Variants in PRR20G observed in about 807,000 individuals in gnomAD.
PRR20G encodes proline-rich protein 20G.
chr3:127,287,184 T>C (rs982917994), intron 2 of PRR20G, among the ~76,000 whole-genome samples, 130 bp downstream of exon 2: 4 of 152,138 alleles, frequency 2.6e-5, no homozygotes, highest in Non-Finnish European at 5.9e-5. Flanking sequence ...GTGTGGGAGA[T>C]TGAGAAGGAG....
intron 2 of PRR20G, among the ~76,000 whole-genome samples, chr3:127,286,820 G>A (rs780980228): frequency 3.3e-5 from 5 of 152,144 alleles, no homozygotes; most frequent in Admixed American, 2.0e-4. Flanking sequence ...AAGTAATTGG[G>A]GAAGAATTGA....
intron 2 of PRR20G, among the ~76,000 whole-genome samples, chr3:127,286,505 T>C (rs1256353785): frequency 6.6e-6 from 1 of 152,178 alleles, no homozygotes; most frequent in African/African-American, 2.4e-5. Context: ...CAAGAATAAT[T>C]TGGCAATGGC....
At chr3:127,285,619 A>G (rs1337816954) in intron 2 of PRR20G, among the ~76,000 whole-genome samples, 1 of 152,178 alleles carries the variant, frequency 6.6e-6, no homozygotes, top group Admixed American at 6.5e-5. Context: ...AAGTCCCAAG[A>G]AACTGACATC....
At chr3:127,287,433 C>T (rs1044675533) in intron 1 of PRR20G, among the ~76,000 whole-genome samples, 61 bp from the exon 2 acceptor site, 5 of 152,154 alleles carry the variant, frequency 3.3e-5, no homozygotes, top group African/African-American at 1.2e-4. Context: ...AGCCTAATTT[C>T]CCAAGCGTCA....
At chr3:127,286,528 A>G (rs1199588519) in intron 2 of PRR20G, among the ~76,000 whole-genome samples, 1 of 152,248 alleles carries the variant, frequency 6.6e-6, no homozygotes, top group African/African-American at 2.4e-5. Context: ...TCAAATTCCA[A>G]TACCTCCAGA....
At position 127,284,027 on chromosome 3, in the gene PRR20G, AAAG is replaced by A. The variant is rs1331385742; in HGVS notation, c.*30_*32del. Reference sequence around the variant, plus strand: ...ATAGGGGGAAAGACCAGGTGGAAGAAAAGAAGGCTGGCAGCAATACGGATGACA... The same window carrying A: ...ATAGGGGGAAAGACCAGGTGGAAGAAAAGGCTGGCAGCAATACGGATGACA... On this transcript the variant is annotated 3_prime_UTR_variant, in exon 3 of 3. Transcript: ENST00000465482. 1.3e-5 allele frequency: 2 copies of A among 152,788 alleles called. No individual in the cohort carries two copies. The highest frequency in any genetic ancestry group is 4.8e-5 in the African/African-American group (2 of 41,454). 9.5% of individuals were successfully genotyped at this position (152,788 alleles called of 1,614,324 possible). A position where few individuals can be genotyped will look rare whatever the true frequency, so the allele number is the denominator to read the frequency against.
rs1287138660 is a variant in PRR20G, at chr3:127,287,961, G to A, written c.-90C>T. Among the ~76,000 whole-genome samples the A allele has an allele frequency of 6.6e-6, 1 of 152,058 alleles. No individual in the cohort carries two copies. Among genetic ancestry groups the A allele is most frequent in the Non-Finnish European group, 1.5e-5 (1 of 67,998 alleles). ...TCCACGGGATCACGGCTATGGCTCC[G>A]ACGTCGCCCTCAAATGCGCCCCCTA... On this transcript the variant is annotated 5_prime_UTR_variant, in exon 1 of 3. Coordinates refer to ENST00000465482, the MANE Select transcript of PRR20G (RefSeq NM_001362810.2).
At chr3:127,286,281 G>T (rs1012623239) in intron 2 of PRR20G, among the ~76,000 whole-genome samples, 7 of 152,180 alleles carry the variant, frequency 4.6e-5, no homozygotes, top group African/African-American at 1.7e-4. Flanking sequence ...AAATCTAGAA[G>T]ATTATAGAAA....
intron 2 of PRR20G, among the ~76,000 whole-genome samples, chr3:127,286,936 G>A (rs903244927): frequency 6.6e-6 from 1 of 152,120 alleles, no homozygotes; most frequent in African/African-American, 2.4e-5. Context: ...TGTCCTACTG[G>A]CTCCTGGGCG....
intron 2 of PRR20G, among the ~76,000 whole-genome samples, chr3:127,285,500 C>A (rs2080382769): frequency 6.6e-6 from 1 of 152,088 alleles, no homozygotes; most frequent in African/African-American, 2.4e-5. Flanking sequence ...TGGAACAGAA[C>A]AGGAAGTCCG....
chr3:127,286,845 A>G (rs13066890), intron 2 of PRR20G, among the ~76,000 whole-genome samples: 15,467 of 152,190 alleles, frequency 0.1, 1,079 homozygotes, highest in Non-Finnish European at 0.15. Flanking sequence ...TAGACTCGTG[A>G]TAAGTAAACA....
chr3:127,285,629 C>A (rs1020122683), intron 2 of PRR20G, among the ~76,000 whole-genome samples: 1 of 152,196 alleles, frequency 6.6e-6, no homozygotes. Context: ...AAACTGACAT[C>A]TAAGGTTGCC....
At position 127,283,816 on chromosome 3, in the gene PRR20G, G is replaced by A. The variant is rs1430633033; in HGVS notation, c.*244C>T. On this transcript the variant is annotated 3_prime_UTR_variant, in exon 3 of 3. Coordinates refer to ENST00000465482, the MANE Select transcript of PRR20G (RefSeq NM_001362810.2). ...CTGCTGGTTTATTTGAATAAGCATT[G>A]AGGAACTCCATGCATGTGTATTTTT... 1.3e-5 allele frequency among the ~76,000 whole-genome samples: 2 copies of A among 152,140 alleles called. No homozygotes were observed. Among genetic ancestry groups the A allele is most frequent in the African/African-American group, 2.4e-5 (1 of 41,424 alleles).
In PRR20G at chr3:127,287,686, A is replaced by C. The variant is rs2080393984; in HGVS notation, c.-8+193T>G. Among the ~76,000 whole-genome samples, 3 of 152,134 alleles carry C rather than the reference A, an allele frequency of 2.0e-5. No individual in the cohort carries two copies. In the South Asian group the frequency reaches 6.2e-4, roughly 32 times the overall value. On this transcript the variant is annotated intron_variant, in intron 1 of 2. Transcript: ENST00000465482. Reference sequence around the variant, plus strand: ...TCTTCAGGCAAAGCTGGTACCGGGGAGACTTAGGCCTCCTGGAGGAATGAT... The same window carrying C: ...TCTTCAGGCAAAGCTGGTACCGGGGCGACTTAGGCCTCCTGGAGGAATGAT...
chr3:127,286,825 A>C (rs1173116152), intron 2 of PRR20G, among the ~76,000 whole-genome samples: 2 of 152,212 alleles, frequency 1.3e-5, no homozygotes, highest in Non-Finnish European at 2.9e-5. Context: ...ATTGGGGAAG[A>C]ATTGAGGGAT....
chr3:127,286,194 G>A (rs1172660630), intron 2 of PRR20G, among the ~76,000 whole-genome samples: 1 of 152,140 alleles, frequency 6.6e-6, no homozygotes, highest in Non-Finnish European at 1.5e-5. Context: ...GGGAGAAAGA[G>A]AAAGGGAAGA....
In PRR20G at chr3:127,288,013, C is replaced by A. The variant is rs1576281798; in HGVS notation, c.-142G>T. ...CAGGCAGGTAGGAGGGAGCACCCAG[C>A]AGTCCTAGTTCGGAGCCCGGCAGAA... is the stretch of plus-strand genomic sequence containing the variant. On this transcript the variant is annotated 5_prime_UTR_variant, in exon 1 of 3. Coordinates refer to ENST00000465482, the MANE Select transcript of PRR20G (RefSeq NM_001362810.2). Among the ~76,000 whole-genome samples, 3 of 152,168 alleles carry A rather than the reference C, an allele frequency of 2.0e-5. No homozygotes were observed. Among genetic ancestry groups the A allele is most frequent in the Admixed American group, 2.0e-4 (3 of 15,288 alleles).
chr3:127,286,545 C>G (rs1047425613), intron 2 of PRR20G, among the ~76,000 whole-genome samples: 2 of 152,122 alleles, frequency 1.3e-5, no homozygotes, highest in Non-Finnish European at 2.9e-5. Context: ...CAGAAAAGAA[C>G]AAGGTGAGAG....
Position 127,284,542 on chromosome 3 carries a change from GT to G in PRR20G, c.150del (p.Lys50AsnfsTer3). On this transcript the variant is annotated frameshift_variant, in exon 3 of 3. Transcript: ENST00000465482. LOFTEE classifies it low-confidence loss of function (END_TRUNC). ...VQPAKPTAYVKPMRREPPARA... is the reference protein window; with the variant it reads ...VQPAKPTAYVXPMRREPPARA... ...CGAGCTGGGGGCTCCCGTCTCATGG[GT>G]TTCACATAAGCAGTGGGTTTTGCCG... 1 of 156,760 alleles carries G rather than the reference GT, an allele frequency of 6.4e-6. No individual in the cohort carries two copies. 9.7% of individuals were successfully genotyped at this position (156,760 alleles called of 1,614,324 possible).
Sources: allele counts gnomAD v4.1 joint callset (sites outside exome capture counted in the v4.1 genomes callset), GRCh38; gene constraint gnomAD v4.1.1; transcripts MANE v1.5; gene names NCBI Gene and HGNC (gene_info 2026-07-23, HGNC 2026-07-21).